The following KMT2C variants were observed in gnomAD, a reference collection of about 807,000 sequenced individuals.
KMT2C encodes the protein lysine methyltransferase 2C, also known as histone-lysine N-methyltransferase 2C.
KMT2C carries 88 observed loss-of-function variants against 507.9 expected under a neutral mutation model. The ratio of observed to expected loss-of-function variants is 0.17; its 90% CI spans 0.15 to 0.21. The LOEUF (loss-of-function observed/expected upper bound fraction) is 0.21. KMT2C is among the 10% of genes least tolerant of loss of function. The probability of loss-of-function intolerance (pLI) is 1.00; values close to 1 mark genes in which losing one functional copy is unlikely to be tolerated. For missense variants in KMT2C, 4,954 were observed against 5,957.8 expected (o/e 0.83, Z 5.55); for synonymous variants, 2,049 against 2,080.8 (o/e 0.98, Z 0.42).
chr7:152,363,235 C>A (rs1335721874), intron 1 of KMT2C, among the ~76,000 whole-genome samples: 4 of 152,142 alleles, frequency 2.6e-5, no homozygotes, highest in Non-Finnish European at 5.9e-5. Context: ...TTTATTTTAA[C>A]CCTTCTTTGG....
At chr7:152,313,974 T>G (rs967466991) in intron 4 of KMT2C, among the ~76,000 whole-genome samples, 6 of 152,152 alleles carry the variant, frequency 3.9e-5, no homozygotes, top group Admixed American at 2.6e-4. Context: ...AGATACAGCC[T>G]GATTCACTCC....
chr7:152,259,558 G>A (rs1469002501), intron 9 of KMT2C, among the ~76,000 whole-genome samples: 2 of 151,686 alleles, frequency 1.3e-5, no homozygotes, highest in Non-Finnish European at 2.9e-5. Context: ...AAGTAAATGC[G>A]ACATGGGTAT....
At chr7:152,231,865 A>G (rs1433261261) in intron 16 of KMT2C, among the ~76,000 whole-genome samples, 1 of 139,082 alleles carries the variant, frequency 7.2e-6, no homozygotes, top group Non-Finnish European at 1.6e-5. Context: ...AAATACATTT[A>G]AAAGCAGTTT....
chr7:152,143,618 T>A (rs1027904156), intron 55 of KMT2C, among the ~76,000 whole-genome samples: 1 of 152,174 alleles, frequency 6.6e-6, no homozygotes, highest in Non-Finnish European at 1.5e-5. Context: ...GGGGCAGAAC[T>A]TGCAAAAGAA....
At chr7:152,411,848 T>A (rs5000850) in intron 1 of KMT2C, among the ~76,000 whole-genome samples, 13 of 147,604 alleles carry the variant, frequency 8.8e-5, no homozygotes, top group Admixed American at 1.3e-4. Flanking sequence ...AATGTTAAAA[T>A]CTTGGGTTAA....
intron 1 of KMT2C, among the ~76,000 whole-genome samples, chr7:152,380,796 T>C (rs559834554): frequency 8.1e-5 from 12 of 148,114 alleles, no homozygotes; most frequent in African/African-American, 3.0e-4. Context: ...AAGATGAGAG[T>C]GGAAAAAGGA....
At chr7:152,268,190 A>G (rs1337433555) in intron 7 of KMT2C, among the ~76,000 whole-genome samples, 2 of 152,148 alleles carry the variant, frequency 1.3e-5, no homozygotes, top group Non-Finnish European at 2.9e-5. Flanking sequence ...GAGGCAGGAG[A>G]ATCGCTTGAA....
chr7:152,423,690 G>A (rs934212684), intron 1 of KMT2C, among the ~76,000 whole-genome samples: 4 of 152,122 alleles, frequency 2.6e-5, no homozygotes, highest in African/African-American at 9.7e-5. Flanking sequence ...AAACACTCCT[G>A]TTCAAGTCAT....
intron 1 of KMT2C, among the ~76,000 whole-genome samples, chr7:152,431,190 A>C (rs918038060): frequency 2.0e-5 from 3 of 152,206 alleles, no homozygotes; most frequent in African/African-American, 7.2e-5. Context: ...ACATATTAGT[A>C]ACCAATATGT....
rs376573154 is a variant in KMT2C, at chr7:152,181,745, C to A, written c.6115G>T (p.Gly2039Cys). 7 of 1,614,058 alleles carry A rather than the reference C, an allele frequency of 4.3e-6. No homozygotes were observed. The highest frequency in any genetic ancestry group is 5.9e-6 in the Non-Finnish European group (7 of 1,180,006). The change falls in exon 36 of 59, where the codon GGT becomes TGT. Residue 2039 changes from glycine (G) to cysteine (C), a missense_variant. Gly to Cys is a radical substitution (Grantham distance 159, BLOSUM62 -3). Coordinates refer to ENST00000262189, the MANE Select transcript of KMT2C (RefSeq NM_170606.3). ...ATTGGAGTCTTAAAAGGTCCAGGACCACTATCAAGAGGTGCAGGTGTCAAC... is the reference window on the plus strand; with the variant it reads ...ATTGGAGTCTTAAAAGGTCCAGGACAACTATCAAGAGGTGCAGGTGTCAAC... ...PLLTPAPLDS[G>C]PGPFKTPMQP... is the part of the protein sequence containing the mutation.
chr7:152,271,214 GAC>G (rs1439084530), intron 7 of KMT2C, among the ~76,000 whole-genome samples: 5 of 152,056 alleles, frequency 3.3e-5, no homozygotes, highest in Non-Finnish European at 7.4e-5. Flanking sequence ...CTTCTGCCAT[GAC>G]ACACAATTAG....
intron 39 of KMT2C, 112 bp downstream of exon 39, chr7:152,174,016 GTGT>G (rs2093082144): frequency 3.4e-6 from 2 of 580,526 alleles, no homozygotes; most frequent in Non-Finnish European, 3.0e-6. Context: ...AACTTAAATA[GTGT>G]TGTTCATTCC....
intron 2 of KMT2C, among the ~76,000 whole-genome samples, chr7:152,342,185 CAAAT>C (rs1257164803): frequency 3.9e-5 from 6 of 152,046 alleles, no homozygotes; most frequent in African/African-American, 1.2e-4. Context: ...TAAAAATTAA[CAAAT>C]AATTAGACCA....
intron 6 of KMT2C, among the ~76,000 whole-genome samples, chr7:152,308,317 G>A (rs1389412526): frequency 1.3e-5 from 2 of 152,044 alleles, no homozygotes; most frequent in African/African-American, 2.4e-5. Flanking sequence ...AGTTTCTAAG[G>A]TCAAAATTTC....
At chr7:152,377,402 ATC>A (rs1269723611) in intron 1 of KMT2C, among the ~76,000 whole-genome samples, 1 of 152,184 alleles carries the variant, frequency 6.6e-6, no homozygotes, top group Non-Finnish European at 1.5e-5. Flanking sequence ...CAGCCCACGT[ATC>A]AATGAGTAAT....
intron 12 of KMT2C, 32 bp from the exon 13 acceptor site, chr7:152,249,985 G>A (rs1469787701): frequency 7.1e-7 from 1 of 1,416,796 alleles, no homozygotes; most frequent in South Asian, 1.2e-5. Context: ...AATCTCTAAG[G>A]AGTCAAAATT....
intron 33 of KMT2C, among the ~76,000 whole-genome samples, chr7:152,186,582 A>G (rs759523315): frequency 3.3e-5 from 5 of 152,238 alleles, no homozygotes; most frequent in South Asian, 4.1e-4. Flanking sequence ...ATGAAAAGTC[A>G]CTTCCAGGTA....
intron 1 of KMT2C, among the ~76,000 whole-genome samples, chr7:152,410,436 G>A (rs1249615278): frequency 6.6e-6 from 1 of 150,924 alleles, no homozygotes; most frequent in Admixed American, 6.6e-5. Context: ...AAATTAGCCA[G>A]GTGTGGAAGC....
chr7:152,423,249 A>C (rs564979318), intron 1 of KMT2C, among the ~76,000 whole-genome samples: 12 of 152,234 alleles, frequency 7.9e-5, no homozygotes, highest in African/African-American at 2.6e-4. Flanking sequence ...CTAAGGCAGG[A>C]GAATCGCTTG....
Sources: allele counts gnomAD v4.1 joint callset (sites outside exome capture counted in the v4.1 genomes callset), GRCh38; gene constraint gnomAD v4.1.1; transcripts MANE v1.5; gene names NCBI Gene and HGNC (gene_info 2026-07-23, HGNC 2026-07-21).